The following MICAL2 variants were observed in gnomAD, a reference collection of about 807,000 sequenced individuals.
MICAL2 encodes the protein [F-actin]-monooxygenase MICAL2.
Under a neutral mutation model 127.3 loss-of-function variants are expected in MICAL2, and 77 were observed. The observed-to-expected ratio is 0.60, with a 90% CI of 0.50 to 0.73. The LOEUF (loss-of-function observed/expected upper bound fraction) is 0.73, where lower values mean the gene tolerates loss of function less well. Among genes scored for constraint, MICAL2 ranks in the 30% least tolerant of loss-of-function variants. The pLI, the probability that MICAL2 is intolerant of heterozygous loss-of-function variation, is 0.00. For synonymous variants in MICAL2, 570 were observed against 551.1 expected (o/e 1.03, Z -0.48); for missense variants, 1,351 against 1,434.4 (o/e 0.94, Z 0.94).
chr11:12,296,767 C>T (rs1590726995), downstream of MICAL2, among the ~76,000 whole-genome samples: 1 of 151,736 alleles, frequency 6.6e-6, no homozygotes. Context: ...AATTTATATA[C>T]TATATTTTTT....
intron 27 of MICAL2, 113 bp downstream of exon 27, chr11:12,262,650 T>A: frequency 1.1e-6 from 1 of 905,152 alleles, no homozygotes; most frequent in Non-Finnish European, 1.8e-6. Flanking sequence ...GTGTCTTGCA[T>A]ACTGATGGAC....
chr11:12,344,943 TA>T (rs36008605), intron 32 of MICAL2, among the ~76,000 whole-genome samples: 76,096 of 148,824 alleles, frequency 0.51, 21,014 homozygotes, highest in Non-Finnish European at 0.63. Context: ...CCGTCTGTAC[TA>T]AAAAAAAAAG....
intron 3 of MICAL2, among the ~76,000 whole-genome samples, chr11:12,176,377 G>A (rs76093763): frequency 0.011 from 1,692 of 152,254 alleles, 24 homozygotes; most frequent in Middle Eastern, 0.024. Context: ...TCATAGGGCT[G>A]GGGTAAAGGC....
chr11:12,314,724 G>C (rs1347867639), intron 29 of MICAL2, among the ~76,000 whole-genome samples: 1 of 148,828 alleles, frequency 6.7e-6, no homozygotes, highest in East Asian at 2.0e-4. Flanking sequence ...CTGACCTTGT[G>C]ATCTGCCTGC....
intron 3 of MICAL2, among the ~76,000 whole-genome samples, chr11:12,190,051 G>A (rs925212219): frequency 6.6e-6 from 1 of 152,182 alleles, no homozygotes; most frequent in South Asian, 2.1e-4. Flanking sequence ...ACCACTTTAT[G>A]GTGTAAGGTG....
chr11:12,335,282 CCA>C (rs1938727315), intron 32 of MICAL2, among the ~76,000 whole-genome samples: 1 of 151,754 alleles, frequency 6.6e-6, no homozygotes, highest in Non-Finnish European at 1.5e-5. Context: ...TATCCTTCAC[CCA>C]CTTTTTGATG....
chr11:12,319,284 A>T (rs1201948083), intron 29 of MICAL2, among the ~76,000 whole-genome samples: 2 of 152,122 alleles, frequency 1.3e-5, no homozygotes, highest in Non-Finnish European at 2.9e-5. Flanking sequence ...TTTTGCATTC[A>T]ATTACTCTGC....
chr11:12,262,638 G>A, intron 27 of MICAL2, 101 bp downstream of exon 27: 1 of 1,011,116 alleles, frequency 9.9e-7, no homozygotes, highest in Non-Finnish European at 1.6e-6. Context: ...CACTAACTGT[G>A]AGTGTCTTGC....
downstream of MICAL2, among the ~76,000 whole-genome samples, chr11:12,360,118 TTAAA>T (rs1939186104): frequency 4.2e-5 from 1 of 24,048 alleles, no homozygotes; most frequent in African/African-American, 5.7e-5. Context: ...CTTTTTTTTT[TTAAA>T]AAAAAAATAA....
Position 12,160,161 on chromosome 11 carries a change from T to G in MICAL2, c.-77-1918T>G, listed in dbSNP as rs373370982. 6.6e-5 allele frequency among the ~76,000 whole-genome samples: 10 copies of G among 152,112 alleles called. No individual in the cohort carries two copies. In the East Asian group the frequency reaches 1.9e-3, roughly 29 times the overall value. On this transcript the variant is annotated intron_variant, in intron 2 of 27. Coordinates refer to ENST00000683283, the MANE Select transcript of MICAL2 (RefSeq NM_001282663.2). ...GGGCCCTACAAAGTTGCAGGGATCC[T>G]GTCACCCCCAAGTCTGGGCATCCAG...
intron 6 of MICAL2, among the ~76,000 whole-genome samples, chr11:12,211,912 A>G (rs1392505466): frequency 6.6e-6 from 1 of 152,160 alleles, no homozygotes; most frequent in African/African-American, 2.4e-5. Flanking sequence ...CTGCTTGCAA[A>G]CAGCATGCAG....
In MICAL2 at chr11:12,341,881, G is replaced by A. The variant is rs193050448; in HGVS notation, c.5516-7957G>A. 2.1e-4 allele frequency among the ~76,000 whole-genome samples: 32 copies of A among 152,256 alleles called. No homozygotes were observed. The East Asian group carries it at 3.5e-3, about 17-fold the overall frequency. On this transcript the variant is annotated intron_variant, in intron 32 of 34. Transcript: ENST00000646065. ...TATTGACCTTTACATGCCAATCATCGTAGGGTAAGTAGGGACTAAGATTTA... is the reference window on the plus strand; with the variant it reads ...TATTGACCTTTACATGCCAATCATCATAGGGTAAGTAGGGACTAAGATTTA...
chr11:12,134,197 G>A (rs1009882864), intron 1 of MICAL2, among the ~76,000 whole-genome samples: 2 of 152,174 alleles, frequency 1.3e-5, no homozygotes, highest in African/African-American at 4.8e-5. Flanking sequence ...CCAGTGCATG[G>A]CACATTTAAG....
At chr11:12,268,902 G>A (rs1169696814) in intron 24 of MICAL2, among the ~76,000 whole-genome samples, 1 of 152,162 alleles carries the variant, frequency 6.6e-6, no homozygotes, top group Non-Finnish European at 1.5e-5. Context: ...GGGAGGCTGA[G>A]GCAAGAGAAT....
intron 21 of MICAL2, among the ~76,000 whole-genome samples, chr11:12,245,451 G>C (rs1231026074): frequency 6.6e-6 from 1 of 152,216 alleles, no homozygotes; most frequent in East Asian, 1.9e-4. Flanking sequence ...CCTCTGTGAG[G>C]AGAACGGTGT....
intron 15 of MICAL2, among the ~76,000 whole-genome samples, chr11:12,231,033 T>C (rs1298724540): frequency 2.0e-5 from 3 of 152,202 alleles, no homozygotes; most frequent in Non-Finnish European, 4.4e-5. Context: ...CCAGGGCTCT[T>C]GTCATCATGC....
intron 29 of MICAL2, among the ~76,000 whole-genome samples, chr11:12,304,943 T>C (rs1864091602): frequency 6.6e-6 from 1 of 152,232 alleles, no homozygotes; most frequent in African/African-American, 2.4e-5. Context: ...AATGAATTCA[T>C]CAATTTCTAC....
At position 12,236,101 on chromosome 11, in the gene MICAL2, A is replaced by G. The variant is rs888809738; in HGVS notation, c.1996-76A>G. 1.4e-5 allele frequency: 18 copies of G among 1,296,034 alleles called. No individual in the cohort carries two copies. The Admixed American group carries it at 1.9e-4, about 13-fold the overall frequency. 80.3% of individuals were successfully genotyped at this position (1,296,034 alleles called of 1,614,324 possible). A position where few individuals can be genotyped will look rare whatever the true frequency, so the allele number is the denominator to read the frequency against. The stretch of plus-strand genomic sequence containing the variant: ...TCAGCGCCAGCTCAAAGCCAGCCCT[A>G]TGCCCTCAGGGATCTTAGTGGGACT... On this transcript the variant is annotated intron_variant, in intron 15 of 27. Transcript: ENST00000683283.
chr11:12,192,833 T>C (rs1210638542), intron 3 of MICAL2, among the ~76,000 whole-genome samples: 1 of 152,060 alleles, frequency 6.6e-6, no homozygotes, highest in East Asian at 1.9e-4. Flanking sequence ...GAGCCGTGGG[T>C]CATTGCTACC....
Sources: allele counts gnomAD v4.1 joint callset (sites outside exome capture counted in the v4.1 genomes callset), GRCh38; gene constraint gnomAD v4.1.1; transcripts MANE v1.5; gene names NCBI Gene and HGNC (gene_info 2026-07-23, HGNC 2026-07-21).